SGPL1: variants seen among roughly 807,000 people sequenced by gnomAD.
The protein encoded by SGPL1 is SP-lyase 1.
A neutral mutation model predicts 68.9 loss-of-function variants in SGPL1; 37 were observed. The observed-to-expected ratio is 0.54, with a 90% CI of 0.41 to 0.71. The LOEUF (loss-of-function observed/expected upper bound fraction) is 0.71, where lower values mean the gene tolerates loss of function less well. Among genes scored for constraint, SGPL1 ranks in the 30% least tolerant of loss-of-function variants. The pLI is 0.00. For synonymous variants in SGPL1, 236 were observed against 248.5 expected (o/e 0.95, Z 0.47); for missense variants, 551 against 704.6 (o/e 0.78, Z 2.47).
chr10:70,823,867 C>T (rs1483753445), intron 2 of SGPL1, among the ~76,000 whole-genome samples: 3 of 152,082 alleles, frequency 2.0e-5, no homozygotes, highest in Non-Finnish European at 2.9e-5. Context: ...GGTAAAACTG[C>T]ATTCTTGAAT....
chr10:70,824,706 G>A lies in SGPL1; in HGVS notation c.27+7826G>A, dbSNP rs367548104. On this transcript the variant is annotated intron_variant, in intron 2 of 14. Coordinates refer to ENST00000373202, the MANE Select transcript of SGPL1 (RefSeq NM_003901.4). ...ATTAAATAGTTTAACTTATGTGACAGGCAGATAAGCATTTCAAAAGCATAA... is the reference window on the plus strand; with the variant it reads ...ATTAAATAGTTTAACTTATGTGACAAGCAGATAAGCATTTCAAAAGCATAA... Among the ~76,000 whole-genome samples, 107 of 152,264 alleles carry A rather than the reference G, an allele frequency of 7.0e-4. 3 individuals carry two copies. The South Asian group carries it at 0.022, about 31-fold the overall frequency.
intron 4 of SGPL1, among the ~76,000 whole-genome samples, chr10:70,853,243 A>T (rs748469009): frequency 6.6e-5 from 10 of 152,234 alleles, no homozygotes; most frequent in Non-Finnish European, 1.2e-4. Context: ...TATTGCAGAC[A>T]TGCTCGAAAG....
At position 70,873,412 on chromosome 10, in the gene SGPL1, A is replaced by G. The variant is rs139751906; in HGVS notation, c.1121A>G (p.Tyr374Cys). 154 of 1,614,152 alleles carry G rather than the reference A, an allele frequency of 9.5e-5. No individual in the cohort carries two copies. Among genetic ancestry groups the G allele is most frequent in the Non-Finnish European group, 8.6e-5 (101 of 1,180,058 alleles). ...VLYSDKKYRNYQFFVDTDWQG... is the reference protein window; with the variant it reads ...VLYSDKKYRNCQFFVDTDWQG... ...TATAGTGACAAGAAGTACAGGAACT[A>G]TCAGTTCTTCGTCGATACAGATTGG... The change falls in exon 12 of 15, where the codon TAT (tyrosine) becomes TGT (cysteine). Residue 374 changes from tyrosine (Y) to cysteine (C), a missense_variant. By Grantham distance (194) the Tyr-to-Cys change is radical (BLOSUM62 -2). Transcript: ENST00000373202.
chr10:70,849,489 A>G (rs1319897097), intron 3 of SGPL1, among the ~76,000 whole-genome samples: 1 of 152,224 alleles, frequency 6.6e-6, no homozygotes, highest in African/African-American at 2.4e-5. Context: ...AGTAACCACA[A>G]ACAAGTGGTT....
At chr10:70,826,107 C>T (rs529998269) in intron 2 of SGPL1, among the ~76,000 whole-genome samples, 139 of 152,268 alleles carry the variant, frequency 9.1e-4, no homozygotes, top group African/African-American at 3.1e-3. Flanking sequence ...ATCGCTTGAA[C>T]GCGGGAGGTG....
intron 7 of SGPL1, among the ~76,000 whole-genome samples, chr10:70,867,239 C>T (rs1437863688): frequency 1.3e-5 from 2 of 152,002 alleles, no homozygotes; most frequent in Non-Finnish European, 1.5e-5. Context: ...CTGTGTTGGT[C>T]AAGGTTTACT....
At chr10:70,854,424 C>T (rs1424517614) in intron 4 of SGPL1, among the ~76,000 whole-genome samples, 1 of 152,108 alleles carries the variant, frequency 6.6e-6, no homozygotes, top group Non-Finnish European at 1.5e-5. Context: ...ATCTGCCCAC[C>T]TCGGCTTCCT....
intron 7 of SGPL1, among the ~76,000 whole-genome samples, chr10:70,867,981 G>GA (rs1386908552): frequency 6.6e-6 from 1 of 152,172 alleles, no homozygotes; most frequent in Non-Finnish European, 1.5e-5. Flanking sequence ...AACAGGTATT[G>GA]AAAATTTAAA....
chr10:70,831,717 A>G (rs1845538923), intron 2 of SGPL1, among the ~76,000 whole-genome samples: 1 of 152,010 alleles, frequency 6.6e-6, no homozygotes, highest in Non-Finnish European at 1.5e-5. Flanking sequence ...GTTTTTATGG[A>G]GGCTTAGTTA....
Position 70,879,158 on chromosome 10 carries a change from C to G in SGPL1, c.*1823C>G, listed in dbSNP as rs926402826. 3 of 152,752 alleles carry G rather than the reference C, an allele frequency of 2.0e-5. No individual in the cohort carries two copies. Among genetic ancestry groups the G allele is most frequent in the African/African-American group, 7.2e-5 (3 of 41,460 alleles). The allele number at this position is 152,752 out of a possible 1,614,324, so 9.5% of individuals were successfully genotyped here. On this transcript the variant is annotated 3_prime_UTR_variant, in exon 15 of 15. Coordinates refer to ENST00000373202, the MANE Select transcript of SGPL1 (RefSeq NM_003901.4). Reference sequence around the variant, plus strand: ...CTTAAGATGAGTCAAAAGACACTTTCCTCTGTTCCATTCCCCATCTCAGGG... The same window carrying G: ...CTTAAGATGAGTCAAAAGACACTTTGCTCTGTTCCATTCCCCATCTCAGGG...
intron 2 of SGPL1, among the ~76,000 whole-genome samples, chr10:70,828,139 C>T (rs1401327159): frequency 1.3e-5 from 2 of 152,112 alleles, no homozygotes; most frequent in African/African-American, 4.8e-5. Flanking sequence ...TGTGTGGTAA[C>T]GTGTACTGCC....
At chr10:70,853,459 A>G (rs1158478260) in intron 4 of SGPL1, among the ~76,000 whole-genome samples, 1 of 152,212 alleles carries the variant, frequency 6.6e-6, no homozygotes, top group African/African-American at 2.4e-5. Flanking sequence ...GCCTTTTGCT[A>G]TAAGCAGCAG....
intron 3 of SGPL1, among the ~76,000 whole-genome samples, chr10:70,846,927 G>T (rs1845800761): frequency 6.6e-6 from 1 of 152,026 alleles, no homozygotes; most frequent in Non-Finnish European, 1.5e-5. Context: ...TCTGTTTTCA[G>T]TTCTGCAGCT....
At chr10:70,839,471 C>T (rs1453471303) in intron 2 of SGPL1, among the ~76,000 whole-genome samples, 2 of 152,136 alleles carry the variant, frequency 1.3e-5, no homozygotes, top group African/African-American at 2.4e-5. Flanking sequence ...ACCCCTGTCC[C>T]CCTTCCCTGC....
Position 70,844,482 on chromosome 10 carries a change from G to A in SGPL1, c.37G>A (p.Glu13Lys). 6.2e-7 allele frequency: 1 copy of A among 1,613,480 alleles called. No homozygotes were observed. The highest frequency in any genetic ancestry group is 8.5e-7 in the Non-Finnish European group (1 of 1,179,556). The stretch of plus-strand genomic sequence containing the variant: ...TCACTTGTATTTCTAGAAGGCCTTT[G>A]AGCCCTACTTAGAGATTTTGGAAGT... Reference protein sequence around the residue: ...STDLLMLKAFEPYLEILEVYS... With the variant: ...STDLLMLKAFKPYLEILEVYS... The change falls in exon 3 of 15, where the codon GAG (glutamate) becomes AAG (lysine). Residue 13 changes from glutamate (E) to lysine (K), a missense_variant. By Grantham distance (56) the Glu-to-Lys change is moderately conservative (BLOSUM62 1). Transcript: ENST00000373202.
Position 70,854,937 on chromosome 10 carries a change from A to T in SGPL1, c.409+82A>T, listed in dbSNP as rs151019151. The stretch of plus-strand genomic sequence containing the variant: ...TTGTTTAATGTTCACATAGGTTAAG[A>T]ATAACTCATCATTGGTTAATACATG... On this transcript the variant is annotated intron_variant, in intron 5 of 14. Coordinates refer to ENST00000373202, the MANE Select transcript of SGPL1 (RefSeq NM_003901.4). 1,564 of 1,225,924 alleles carry T rather than the reference A, an allele frequency of 1.3e-3. 9 individuals are homozygous for T. In the African/African-American group the frequency reaches 0.021, roughly 16 times the overall value. 75.9% of individuals were successfully genotyped at this position (1,225,924 alleles called of 1,614,324 possible).
intron 8 of SGPL1, among the ~76,000 whole-genome samples, chr10:70,868,693 T>C (rs1310410303): frequency 7.5e-6 from 1 of 132,998 alleles, no homozygotes; most frequent in East Asian, 2.6e-4. Context: ...CAAGCAAAAA[T>C]AAGATCCTTT....
intron 3 of SGPL1, among the ~76,000 whole-genome samples, chr10:70,847,858 G>A (rs946889450): frequency 5.3e-5 from 8 of 152,202 alleles, no homozygotes; most frequent in Non-Finnish European, 1.0e-4. Flanking sequence ...AAAGGAGTCT[G>A]AAGTCTGGAC....
intron 2 of SGPL1, among the ~76,000 whole-genome samples, chr10:70,821,073 C>T (rs113856858): frequency 0.041 from 6,318 of 152,270 alleles, 197 homozygotes; most frequent in Non-Finnish European, 0.062. Flanking sequence ...TTCCTGCCCT[C>T]AATTTTGTTA....
Sources: allele counts gnomAD v4.1 joint callset (sites outside exome capture counted in the v4.1 genomes callset), GRCh38; gene constraint gnomAD v4.1.1; transcripts MANE v1.5; gene names NCBI Gene and HGNC (gene_info 2026-07-23, HGNC 2026-07-21).